EEF1A1: variants seen among roughly 807,000 people sequenced by gnomAD.
EEF1A1 encodes elongation factor 1-alpha 1.
In EEF1A1, 1 loss-of-function variant was observed where a neutral mutation model predicts 38.5. The ratio of observed to expected loss-of-function variants is 0.03; its 90% CI spans 0.01 to 0.12. The LOEUF (loss-of-function observed/expected upper bound fraction) is 0.12, where lower values mean the gene tolerates loss of function less well. Ranked by LOEUF, EEF1A1 falls within the 10% of genes least tolerant of loss-of-function variation. The probability of loss-of-function intolerance (pLI) is 1.00; values close to 1 mark genes in which losing one functional copy is unlikely to be tolerated. For synonymous variants in EEF1A1, 229 were observed against 203.7 expected (o/e 1.12, Z -1.06); for missense variants, 184 against 588.3 (o/e 0.31, Z 7.11).
chr6:73,520,720 A>G (rs552820563), intron 1 of EEF1A1: 2 of 152,496 alleles, frequency 1.3e-5, no homozygotes, highest in African/African-American at 2.4e-5. Flanking sequence ...GTCATCAAAA[A>G]TTTTAAATGG....
chr6:73,518,434 C>G lies in EEF1A1; in HGVS notation c.949G>C (p.Val317Leu). The change falls in exon 6 of 8, where the codon GTC becomes CTC. Residue 317 changes from valine to leucine, a missense_variant. By Grantham distance (32) the Val-to-Leu change is conservative. Coordinates refer to ENST00000309268, the MANE Select transcript of EEF1A1 (RefSeq NM_001402.6). ...ACGTTGCCACGACGAACATCCTTGA[C>G]AGACACATTCTTGACATTGAAGCCC... ...NVGFNVKNVS[V>L]KDVRRGNVAG... The G allele has an allele frequency of 6.2e-7, 1 of 1,613,800 alleles. No individual in the cohort carries two copies.
At position 73,516,191 on chromosome 6, in the gene EEF1A1, T is replaced by C. The variant is rs1398372976; in HGVS notation, c.*1619A>G. The C allele has an allele frequency of 1.3e-5, 2 of 151,246 alleles. No homozygotes were observed. Among genetic ancestry groups the C allele is most frequent in the Non-Finnish European group, 3.0e-5 (2 of 67,620 alleles). The allele number at this position is 151,246 out of a possible 1,614,324, so 9.4% of individuals were successfully genotyped here. ...TTCAGACTCAGATGAGGGAAAACGATAACACTTCATTACAGACTTGTCTAT... is the reference window on the plus strand; with the variant it reads ...TTCAGACTCAGATGAGGGAAAACGACAACACTTCATTACAGACTTGTCTAT... On this transcript the variant is annotated 3_prime_UTR_variant, in exon 8 of 8. Transcript: ENST00000309268.
rs1334611319 is a variant in EEF1A1 at position 73,516,766 on chromosome 6, A to T, written c.*1044T>A. 1 of 152,236 alleles carries T rather than the reference A, an allele frequency of 6.6e-6. No homozygotes were observed. The highest frequency in any genetic ancestry group is 1.5e-5 in the Non-Finnish European group (1 of 68,046). The allele number at this position is 152,236 out of a possible 1,614,324, so 9.4% of individuals were successfully genotyped here. A position where few individuals can be genotyped will look rare whatever the true frequency, so the allele number is the denominator to read the frequency against. On this transcript the variant is annotated 3_prime_UTR_variant, in exon 8 of 8. Coordinates refer to ENST00000309268, the MANE Select transcript of EEF1A1 (RefSeq NM_001402.6). The stretch of plus-strand genomic sequence containing the variant: ...TAATCCCAGCAGGAAGATCGCGAAA[A>T]GCATTTTTCAAATGCACAAATGCTT...
chr6:73,519,034 T>G lies in EEF1A1; in HGVS notation c.519A>C (p.Glu173Asp). The G allele has an allele frequency of 6.2e-7, 1 of 1,608,582 alleles. No homozygotes were observed. Among genetic ancestry groups the G allele is most frequent in the Non-Finnish European group, 8.5e-7 (1 of 1,175,786 alleles). Residue 173 changes from glutamate to aspartate, a missense_variant, in exon 4 of 8, where the codon GAA (glutamate) becomes GAC (aspartate). Glu to Asp is a conservative substitution (Grantham distance 45). Transcript: ENST00000309268. ...SQKRYEEIVKEVSTYIKKIGY... is the reference protein window; with the variant it reads ...SQKRYEEIVKDVSTYIKKIGY... ...CAATTTTCTTAATGTAAGTGCTGACTTCCTTAACAATTTCCTCATATCTCT... is the reference window on the plus strand; with the variant it reads ...CAATTTTCTTAATGTAAGTGCTGACGTCCTTAACAATTTCCTCATATCTCT...
rs1271237005 is a variant in EEF1A1 at position 73,516,794 on chromosome 6, A to T, written c.*1016T>A. On this transcript the variant is annotated 3_prime_UTR_variant, in exon 8 of 8. Transcript: ENST00000309268. The stretch of plus-strand genomic sequence containing the variant: ...ATTTTTCAAATGCACAAATGCTTAA[A>T]GATTCAGGAGTAAGTGGGCTATTAC... 6.6e-6 allele frequency: 1 copy of T among 152,252 alleles called. No individual in the cohort carries two copies. The highest frequency in any genetic ancestry group is 2.4e-5 in the African/African-American group (1 of 41,468). 9.4% of individuals were successfully genotyped at this position (152,252 alleles called of 1,614,324 possible). A position where few individuals can be genotyped will look rare whatever the true frequency, so the allele number is the denominator to read the frequency against.
At position 73,516,438 on chromosome 6, in the gene EEF1A1, C is replaced by T. The variant is rs1437743596; in HGVS notation, c.*1372G>A. 2 of 152,082 alleles carry T rather than the reference C, an allele frequency of 1.3e-5. No individual in the cohort carries two copies. Among genetic ancestry groups the T allele is most frequent in the African/African-American group, 4.8e-5 (2 of 41,380 alleles). The allele number at this position is 152,082 out of a possible 1,614,324, so 9.4% of individuals were successfully genotyped here. On this transcript the variant is annotated 3_prime_UTR_variant, in exon 8 of 8. Coordinates refer to ENST00000309268, the MANE Select transcript of EEF1A1 (RefSeq NM_001402.6). ...CAGCCTGACCAACATGGAAAAACCTCATCTCTATTAAAAACACCAAATTAG... is the reference window on the plus strand; with the variant it reads ...CAGCCTGACCAACATGGAAAAACCTTATCTCTATTAAAAACACCAAATTAG...
chr6:73,519,567 T>A, intron 2 of EEF1A1, 51 bp from the exon 3 acceptor site: 1 of 1,526,990 alleles, frequency 6.5e-7, no homozygotes, highest in Non-Finnish European at 8.8e-7. Context: ...AACTCCAGCT[T>A]CAATTTCCTT....
rs1274785558 is a variant in EEF1A1 at position 73,516,041 on chromosome 6, C to T, written c.*1769G>A. Reference sequence around the variant, plus strand: ...GGCCTTACCTGTTTTTTCTGTCATCCAGCAAATCTTAGACTATTTACTTGT... The same window carrying T: ...GGCCTTACCTGTTTTTTCTGTCATCTAGCAAATCTTAGACTATTTACTTGT... On this transcript the variant is annotated 3_prime_UTR_variant, in exon 8 of 8. Transcript: ENST00000309268. 1 of 152,170 alleles carries T rather than the reference C, an allele frequency of 6.6e-6. No individual in the cohort carries two copies. The highest frequency in any genetic ancestry group is 1.9e-4 in the East Asian group (1 of 5,204). The allele number at this position is 152,170 out of a possible 1,614,324, so 9.4% of individuals were successfully genotyped here.
rs964054061 is a variant in EEF1A1, at chr6:73,516,773, T to G, written c.*1037A>C. ...AGCAGGAAGATCGCGAAAAGCATTTTTCAAATGCACAAATGCTTAAAGATT... is the reference window on the plus strand; with the variant it reads ...AGCAGGAAGATCGCGAAAAGCATTTGTCAAATGCACAAATGCTTAAAGATT... On this transcript the variant is annotated 3_prime_UTR_variant, in exon 8 of 8. Coordinates refer to ENST00000309268, the MANE Select transcript of EEF1A1 (RefSeq NM_001402.6). 1.3e-5 allele frequency: 2 copies of G among 152,192 alleles called. No individual in the cohort carries two copies. The highest frequency in any genetic ancestry group is 4.8e-5 in the African/African-American group (2 of 41,434). The allele number at this position is 152,192 out of a possible 1,614,324, so 9.4% of individuals were successfully genotyped here.
At chr6:73,520,088 G>C (rs1433338813) in intron 1 of EEF1A1, 32 bp from the exon 2 acceptor site, 1 of 1,550,032 alleles carries the variant, frequency 6.5e-7, no homozygotes, top group Non-Finnish European at 8.6e-7. Context: ...TTGAACCACT[G>C]TCTGAGGCTT....
In EEF1A1 at chr6:73,518,650, G is replaced by A. The variant is rs752349602; in HGVS notation, c.773-40C>T. 17 of 1,612,822 alleles carry A rather than the reference G, an allele frequency of 1.1e-5. No homozygotes were observed. In the East Asian group the frequency reaches 3.3e-4, roughly 32 times the overall value. The stretch of plus-strand genomic sequence containing the variant: ...AGCATACTAAATACCTATGAAGGCA[G>A]ACAGTACTCTATCAACTCAAATTCA... On this transcript the variant is annotated intron_variant, in intron 5 of 7. Transcript: ENST00000309268.
At chr6:73,520,131 C>T (rs888303982) in intron 1 of EEF1A1, 75 bp from the exon 2 acceptor site, 2 of 1,406,600 alleles carry the variant, frequency 1.4e-6, no homozygotes, top group African/African-American at 1.4e-5. Context: ...TCAAAAAGGG[C>T]AAATTCCAAG....
At chr6:73,519,646 GT>G in intron 2 of EEF1A1, 130 bp from the exon 3 acceptor site, 1 of 1,223,074 alleles carries the variant, frequency 8.2e-7, no homozygotes, top group Non-Finnish European at 1.1e-6. Context: ...GTCACTTTGG[GT>G]TACAGAAGCA....
intron 2 of EEF1A1, among the ~76,000 whole-genome samples, 159 bp downstream of exon 2, chr6:73,519,724 C>G (rs1271553528): frequency 6.6e-6 from 1 of 152,164 alleles, no homozygotes; most frequent in Non-Finnish European, 1.5e-5. Context: ...ACTAGCAATA[C>G]GATTACAGAA....
chr6:73,520,165 T>G, intron 1 of EEF1A1, 109 bp from the exon 2 acceptor site: 1 of 1,073,158 alleles, frequency 9.3e-7, no homozygotes. Flanking sequence ...AGTGCCAAGC[T>G]GGCCTAACTT....
chr6:73,518,974 A>G lies in EEF1A1; in HGVS notation c.579T>C (p.Ile193=), dbSNP rs749598148. The part of the protein sequence containing the change: ...YNPDTVAFVP[I]SGWNGDNMLE... ...GCATGTTGTCACCATTCCAACCAGA[A>G]ATTGGCACAAATGCTACTGTGTCGG... Residue 193 remains isoleucine (I), a synonymous_variant, in exon 4 of 8, where the codon ATT becomes ATC. Coordinates refer to ENST00000309268, the MANE Select transcript of EEF1A1 (RefSeq NM_001402.6). The G allele has an allele frequency of 6.2e-7, 1 of 1,609,104 alleles. No individual in the cohort carries two copies. The highest frequency in any genetic ancestry group is 8.5e-7 in the Non-Finnish European group (1 of 1,176,728).
rs766779907 is a variant in EEF1A1, at chr6:73,517,856, G to A, written c.1343C>T (p.Ala448Val). Reference sequence around the variant, plus strand: ...CTGGGCAGACTTGGTGACCTTGCCAGCTCCAGCAGCCTTCTTGTCCACTGC... The same window carrying A: ...CTGGGCAGACTTGGTGACCTTGCCAACTCCAGCAGCCTTCTTGTCCACTGC... ...IKAVDKKAAG[A>V]GKVTKSAQKA... The change falls in exon 8 of 8, where the codon GCT becomes GTT. Residue 448 changes from alanine to valine, a missense_variant. Ala to Val is a moderately conservative substitution (Grantham distance 64). Coordinates refer to ENST00000309268, the MANE Select transcript of EEF1A1 (RefSeq NM_001402.6). 1.2e-6 allele frequency: 2 copies of A among 1,602,028 alleles called. No homozygotes were observed. The highest frequency in any genetic ancestry group is 2.7e-5 in the African/African-American group (2 of 74,292).
At chr6:73,520,490 C>CA in intron 1 of EEF1A1, 1 of 154,414 alleles carries the variant, frequency 6.5e-6, no homozygotes, top group Admixed American at 6.5e-5. Context: ...CGGGGCGATA[C>CA]ACGGCGGCGC....
Position 73,518,066 on chromosome 6 carries a change from T to C in EEF1A1, c.1228A>G (p.Met410Val), listed in dbSNP as rs755529377. Reference protein sequence around the residue: ...AIVDMVPGKPMCVESFSDYPP... With the variant: ...AIVDMVPGKPVCVESFSDYPP... ...TAGTCTGAGAAGCTCTCAACACACATGGGCTTGCCAGGAACCATATCAACA... is the reference window on the plus strand; with the variant it reads ...TAGTCTGAGAAGCTCTCAACACACACGGGCTTGCCAGGAACCATATCAACA... Residue 410 changes from methionine to valine, a missense_variant, in exon 7 of 8, where the codon ATG (methionine) becomes GTG (valine). Coordinates refer to ENST00000309268, the MANE Select transcript of EEF1A1 (RefSeq NM_001402.6). The C allele has an allele frequency of 1.3e-6, 2 of 1,586,002 alleles. No individual in the cohort carries two copies. Among genetic ancestry groups the C allele is most frequent in the Non-Finnish European group, 1.7e-6 (2 of 1,165,526 alleles).
Sources: gnomAD v4.1 joint callset for allele counts (sites outside exome capture counted in the v4.1 genomes callset) on GRCh38, gnomAD v4.1.1 for gene constraint, MANE v1.5 for transcripts, NCBI Gene and HGNC (gene_info 2026-07-23, HGNC 2026-07-21) for gene names.